The following ACACA variants were observed in gnomAD, a reference collection of about 807,000 sequenced individuals.
The protein encoded by ACACA is acetyl-CoA carboxylase alpha.
A neutral mutation model predicts 296.1 loss-of-function variants in ACACA; 103 were observed. The observed-to-expected ratio is 0.35, with a 90% CI of 0.30 to 0.41. The LOEUF is 0.41. Among genes scored for constraint, ACACA ranks in the 10% least tolerant of loss-of-function variants. ACACA has a pLI of 1.00. For missense variants in ACACA, 1,554 were observed against 2,989.7 expected, an observed-to-expected ratio of 0.52 and a Z score of 11.20; for synonymous variants, 953 against 1,038.6, an observed-to-expected ratio of 0.92 and a Z score of 1.58.
At chr17:37,353,395 C>G (rs892180322) in intron 1 of ACACA, among the ~76,000 whole-genome samples, 1 of 152,004 alleles carries the variant, frequency 6.6e-6, no homozygotes, top group African/African-American at 2.4e-5. Context: ...AATCCTAGCA[C>G]TTTGGGAGGC....
chr17:37,191,064 T>C (rs1027354132), intron 38 of ACACA, 56 bp downstream of exon 38: 2 of 1,593,960 alleles, frequency 1.3e-6, no homozygotes, highest in African/African-American at 2.7e-5. Flanking sequence ...TAAATATGAA[T>C]GAACTTCTGT....
rs1475518449 is a variant in ACACA, at chr17:37,371,786, C to T, written c.39-31936G>A. On this transcript the variant is annotated intron_variant, in intron 1 of 55. Transcript: ENST00000616317. ...GTGGTGATGGGCGCTTGTAATCCCA[C>T]CTATTCGGGAGGCTGAGGCAGGAGA... is the stretch of plus-strand genomic sequence containing the variant. Among the ~76,000 whole-genome samples, 3 of 151,748 alleles carry T rather than the reference C, an allele frequency of 2.0e-5. No individual in the cohort carries two copies. In the East Asian group the frequency reaches 5.8e-4, roughly 30 times the overall value.
intron 29 of ACACA, among the ~76,000 whole-genome samples, chr17:37,212,314 T>C (rs2078782863): frequency 6.6e-6 from 1 of 152,180 alleles, no homozygotes; most frequent in Non-Finnish European, 1.5e-5. Context: ...AGGCCCGAAC[T>C]GAAAAGAACA....
At chr17:37,230,928 C>T (rs140189463) in intron 25 of ACACA, among the ~76,000 whole-genome samples, 1 of 152,366 alleles carries the variant, frequency 6.6e-6, no homozygotes, top group East Asian at 1.9e-4. Flanking sequence ...TCTGTTCCAA[C>T]TGTCCAGAGT....
Position 37,199,427 on chromosome 17 carries a change from G to A in ACACA, c.4158+712C>T, listed in dbSNP as rs189998544. Reference sequence around the variant, plus strand: ...CACTGTACTGGGTATGATCATACGGGTATACCATAGTTTGGATGCCAGGCT... The same window carrying A: ...CACTGTACTGGGTATGATCATACGGATATACCATAGTTTGGATGCCAGGCT... On this transcript the variant is annotated intron_variant, in intron 35 of 55. Transcript: ENST00000616317. Among the ~76,000 whole-genome samples the A allele has an allele frequency of 1.1e-4, 17 of 152,114 alleles. No homozygotes were observed. In the East Asian group the frequency reaches 2.3e-3, roughly 21 times the overall value.
chr17:37,274,572 C>G, intron 8 of ACACA: 2 of 954,796 alleles, frequency 2.1e-6, no homozygotes, highest in Non-Finnish European at 2.5e-6. Context: ...TCAAAACAAA[C>G]AAAAAAAGAA....
chr17:37,224,666 T>C (rs965945097), intron 27 of ACACA, among the ~76,000 whole-genome samples: 2 of 152,028 alleles, frequency 1.3e-5, no homozygotes, highest in South Asian at 2.1e-4. Flanking sequence ...TATATATATA[T>C]ATATCAGAAA....
intron 22 of ACACA, among the ~76,000 whole-genome samples, chr17:37,242,599 T>C (rs1467081198): frequency 6.6e-6 from 1 of 152,048 alleles, no homozygotes; most frequent in Non-Finnish European, 1.5e-5. Flanking sequence ...GGCATAGTGG[T>C]GCACATCTGT....
chr17:37,396,304 C>G (rs1041491435), intron 1 of ACACA, among the ~76,000 whole-genome samples: 4 of 146,634 alleles, frequency 2.7e-5, no homozygotes, highest in African/African-American at 1.0e-4. Flanking sequence ...GGTGACACTG[C>G]ACTCCAGTCT....
At chr17:37,338,853 T>C (rs2048255945) in intron 2 of ACACA, among the ~76,000 whole-genome samples, 1 of 151,440 alleles carries the variant, frequency 6.6e-6, no homozygotes, top group South Asian at 2.1e-4. Context: ...GGCATGAGAA[T>C]TGCTTGAACC....
At chr17:37,223,437 A>G in intron 28 of ACACA, 75 bp downstream of exon 28, 1 of 1,216,870 alleles carries the variant, frequency 8.2e-7, no homozygotes, top group Non-Finnish European at 1.2e-6. Flanking sequence ...TAGAACTGAC[A>G]TGGCAGCCAA....
chr17:37,197,085 T>C (rs2078035425), intron 35 of ACACA, among the ~76,000 whole-genome samples: 1 of 152,164 alleles, frequency 6.6e-6, no homozygotes, highest in Admixed American at 6.5e-5. Flanking sequence ...AGAAATAATC[T>C]CCATGCAGTG....
intron 16 of ACACA, among the ~76,000 whole-genome samples, chr17:37,251,671 G>A (rs1293191647): frequency 6.6e-6 from 1 of 152,216 alleles, no homozygotes; most frequent in East Asian, 1.9e-4. Flanking sequence ...AGGGTTCAGT[G>A]CTAGGGAGAA....
intron 1 of ACACA, chr17:37,360,113 G>A (rs796237189): frequency 1.3e-5 from 2 of 152,128 alleles, no homozygotes; most frequent in Admixed American, 6.6e-5. Context: ...GCTGTGTGTT[G>A]AAAATTAATA....
chr17:37,355,129 C>T (rs559590689), intron 1 of ACACA, among the ~76,000 whole-genome samples: 4 of 151,006 alleles, frequency 2.6e-5, no homozygotes, highest in East Asian at 3.9e-4. Context: ...TGTAATCCCA[C>T]CTACTTGGGA....
At chr17:37,263,918 A>G in intron 10 of ACACA, 24 bp from the exon 11 acceptor site, 1 of 1,599,964 alleles carries the variant, frequency 6.3e-7, no homozygotes. Flanking sequence ...GGGGGAAAAA[A>G]AAAACCAATT....
intron 3 of ACACA, among the ~76,000 whole-genome samples, chr17:37,329,183 G>C (rs1434117623): frequency 6.6e-6 from 1 of 152,110 alleles, no homozygotes; most frequent in Non-Finnish European, 1.5e-5. Context: ...ATAACTTCCT[G>C]ACAATCTGAT....
intron 3 of ACACA, among the ~76,000 whole-genome samples, chr17:37,312,784 C>A (rs937638583): frequency 6.6e-6 from 1 of 151,814 alleles, no homozygotes; most frequent in Non-Finnish European, 1.5e-5. Context: ...GTCAGCATTT[C>A]GAAAGGCCAA....
chr17:37,108,070 A>G (rs1597838464), intron 52 of ACACA, among the ~76,000 whole-genome samples: 1 of 152,288 alleles, frequency 6.6e-6, no homozygotes, highest in East Asian at 1.9e-4. Context: ...CCTCCTTGCA[A>G]TGACTCTACC....
Sources: gnomAD v4.1 joint callset for allele counts (sites outside exome capture counted in the v4.1 genomes callset) on GRCh38, gnomAD v4.1.1 for gene constraint, MANE v1.5 for transcripts, NCBI Gene and HGNC (gene_info 2026-07-23, HGNC 2026-07-21) for gene names.